ARID1B: variants seen among roughly 807,000 people sequenced by gnomAD.
ARID1B encodes AT-rich interactive domain-containing protein 1B.
Under a neutral mutation model 212.3 loss-of-function variants are expected in ARID1B, and 30 were observed. That is an observed-to-expected ratio of 0.14 (90% CI 0.11 to 0.19). The LOEUF (loss-of-function observed/expected upper bound fraction) is 0.19, where lower values mean the gene tolerates loss of function less well. Ranked by LOEUF, ARID1B falls within the 10% of genes least tolerant of loss-of-function variation. The pLI is 1.00. For missense variants in ARID1B, 2,891 were observed against 3,204.0 expected (o/e 0.90, Z 2.36); for synonymous variants, 1,402 against 1,301.7 (o/e 1.08, Z -1.66).
At chr6:156,936,978 T>C (rs1048381849) in intron 4 of ARID1B, 5 of 152,220 alleles carry the variant, frequency 3.3e-5, no homozygotes, top group African/African-American at 1.2e-4. Context: ...TCTTTGAATC[T>C]GATGGATATA....
intron 11 of ARID1B, among the ~76,000 whole-genome samples, chr6:157,180,755 G>T (rs1792454225): frequency 6.6e-6 from 1 of 152,108 alleles, no homozygotes; most frequent in South Asian, 2.1e-4. Flanking sequence ...GGGGGAGTTT[G>T]GGCCTTTTAT....
intron 2 of ARID1B, among the ~76,000 whole-genome samples, chr6:156,860,668 G>A (rs970454910): frequency 6.6e-6 from 1 of 152,174 alleles, no homozygotes; most frequent in East Asian, 1.9e-4. Flanking sequence ...TCAGTCTTCA[G>A]TTGGCAAAAT....
Position 157,148,967 on chromosome 6 carries a change from G to T in ARID1B, c.3089+16G>T, listed in dbSNP as rs762651287. Reference sequence around the variant, plus strand: ...CACAAAGCAGGTACGCCACCCAGGAGCACGCCCCGGGCAGGTACGCTGTGT... The same window carrying T: ...CACAAAGCAGGTACGCCACCCAGGATCACGCCCCGGGCAGGTACGCTGTGT... On this transcript the variant is annotated intron_variant, in intron 8 of 19. Coordinates refer to ENST00000636930, the MANE Select transcript of ARID1B (RefSeq NM_001374828.1). The surrounding 1 kb of genome is among the most constrained non-coding windows in gnomAD (Gnocchi z 5.6). The T allele has an allele frequency of 4.4e-6, 7 of 1,602,158 alleles. No individual in the cohort carries two copies. The East Asian group carries it at 1.3e-4, about 31-fold the overall frequency.
At chr6:156,991,486 C>A (rs1014833704) in intron 4 of ARID1B, among the ~76,000 whole-genome samples, 1 of 152,294 alleles carries the variant, frequency 6.6e-6, no homozygotes, top group Non-Finnish European at 1.5e-5. Context: ...CCCACCTCAG[C>A]CTCCCAAAGT....
At chr6:156,952,463 G>T (rs1793658537) in intron 4 of ARID1B, among the ~76,000 whole-genome samples, 1 of 152,210 alleles carries the variant, frequency 6.6e-6, no homozygotes. Flanking sequence ...AGGCTAGCAG[G>T]GGTGGTGGGG....
intron 2 of ARID1B, among the ~76,000 whole-genome samples, chr6:156,838,957 C>T (rs1783709698): frequency 6.6e-6 from 1 of 151,994 alleles, no homozygotes; most frequent in Admixed American, 6.6e-5. Context: ...TTCAGGCATC[C>T]CAATAGTCAT....
intron 4 of ARID1B, among the ~76,000 whole-genome samples, chr6:156,961,690 G>A (rs1038790022): frequency 6.6e-6 from 1 of 152,232 alleles, no homozygotes; most frequent in Non-Finnish European, 1.5e-5. Context: ...CCTGTTGAAT[G>A]TGAAATTGAT....
intron 1 of ARID1B, among the ~76,000 whole-genome samples, chr6:156,808,022 A>AT (rs1434938616): frequency 1.3e-5 from 2 of 152,180 alleles, no homozygotes; most frequent in Non-Finnish European, 2.9e-5. Flanking sequence ...ACATCTTACC[A>AT]TGAGTGTGCT....
intron 4 of ARID1B, among the ~76,000 whole-genome samples, chr6:156,999,388 C>G (rs1052710413): frequency 6.6e-6 from 1 of 152,230 alleles, no homozygotes. Context: ...CACAATCCCT[C>G]TGTAACAATG....
intron 4 of ARID1B, among the ~76,000 whole-genome samples, chr6:156,965,032 A>G (rs1018404926): frequency 1.3e-5 from 2 of 152,226 alleles, no homozygotes; most frequent in Admixed American, 6.5e-5. Context: ...TGAATATTTC[A>G]TAGAGTTACT....
chr6:156,876,339 T>C (rs945729939), intron 2 of ARID1B, among the ~76,000 whole-genome samples: 4 of 152,166 alleles, frequency 2.6e-5, no homozygotes, highest in African/African-American at 9.7e-5. Flanking sequence ...GGATTTTAGG[T>C]TGAGTCCTGG....
chr6:157,039,711 T>TTCCTCCC (rs1781675660), intron 4 of ARID1B, among the ~76,000 whole-genome samples: 2 of 118,498 alleles, frequency 1.7e-5, no homozygotes, highest in Admixed American at 8.8e-5. Flanking sequence ...CTTTCCTTTC[T>TTCCTCCC]TTCCTTCCTT....
chr6:156,943,936 A>T (rs1261139632), intron 4 of ARID1B: 1 of 152,222 alleles, frequency 6.6e-6, no homozygotes, highest in Non-Finnish European at 1.5e-5. Context: ...TACTGTTTTT[A>T]TAAAATAATA....
At position 157,190,150 on chromosome 6, in the gene ARID1B, G is replaced by A. The variant is rs773135175; in HGVS notation, c.4171G>A (p.Asp1391Asn). The A allele has an allele frequency of 7.4e-6, 12 of 1,614,130 alleles. No individual in the cohort carries two copies. The highest frequency in any genetic ancestry group is 1.1e-5 in the South Asian group (1 of 91,084). The change falls in exon 15 of 20, where the codon GAT becomes AAT. Residue 1391 changes from aspartate to asparagine, a missense_variant. This residue lies in a region of ARID1B where 666 missense variants were observed against 873.5 expected (regional missense o/e 0.76). Transcript: ENST00000636930. The surrounding 1 kb of genome is among the most constrained non-coding windows in gnomAD (Gnocchi z 4.6). ...APYQQGMSMP[D>N]VMGRMPYEPN... is the part of the protein sequence containing the mutation. ...CTACCAGCAGGGCATGAGCATGCCC[G>A]ATGTGATGGGCAGGATGCCCTATGA...
chr6:157,022,096 C>T (rs1035453192), intron 4 of ARID1B, among the ~76,000 whole-genome samples: 1 of 151,998 alleles, frequency 6.6e-6, no homozygotes, highest in Non-Finnish European at 1.5e-5. Flanking sequence ...AGACGAAGGA[C>T]GCCAGCAGGG....
chr6:156,778,268 C>CAGCAGCAA lies in ARID1B; in HGVS notation c.588_589insAGCAGCAA (p.Gln197SerfsTer69). 6 of 1,536,776 alleles carry CAGCAGCAA rather than the reference C, an allele frequency of 3.9e-6. No individual in the cohort carries two copies. Among genetic ancestry groups the CAGCAGCAA allele is most frequent in the Non-Finnish European group, 5.3e-6 (6 of 1,142,058 alleles). Reference sequence around the variant, plus strand: ...CACTACAGCAGCAGCTAAACCAGTTCCAGCAGCAGCAGCAGCAGCAGCAAC... The same window carrying CAGCAGCAA: ...CACTACAGCAGCAGCTAAACCAGTTCAGCAGCAACAGCAGCAGCAGCAGCAGCAGCAAC... On this transcript the variant is annotated frameshift_variant, in exon 1 of 20. Transcript: ENST00000636930. LOFTEE classifies it high-confidence loss of function.
At chr6:156,985,302 G>A (rs971841287) in intron 4 of ARID1B, 5 of 152,164 alleles carry the variant, frequency 3.3e-5, no homozygotes, top group African/African-American at 1.2e-4. Context: ...GATAATATCC[G>A]CTGCATTGAT....
chr6:156,777,854 G>A lies in ARID1B; in HGVS notation c.174G>A (p.Leu58=). 1 of 1,329,884 alleles carries A rather than the reference G, an allele frequency of 7.5e-7. No homozygotes were observed. The highest frequency in any genetic ancestry group is 9.6e-7 in the Non-Finnish European group (1 of 1,045,314). The allele number at this position is 1,329,884 out of a possible 1,614,324, so 82.4% of individuals were successfully genotyped here. Residue 58 remains leucine, a synonymous_variant, in exon 1 of 20, where the codon CTG becomes CTA. Transcript: ENST00000636930. ...CGGCGGCGGCACCGGGACCCATGCT[G>A]GGGGGCGGCGGCGACGGCGGCGGCG... The part of the protein sequence containing the change: ...AAAAAAPGPM[L]GGGGDGGGGL...
chr6:156,830,165 T>G (rs549714800), intron 2 of ARID1B, among the ~76,000 whole-genome samples: 1 of 152,112 alleles, frequency 6.6e-6, no homozygotes, highest in Admixed American at 6.5e-5. Flanking sequence ...AGGATGAAAT[T>G]TGGAAAAGAC....
Sources: allele counts gnomAD v4.1 joint callset (sites outside exome capture counted in the v4.1 genomes callset), GRCh38; gene constraint gnomAD v4.1.1; regional missense constraint gnomAD v4.1.1; non-coding constraint Gnocchi (gnomAD v3.1); transcripts MANE v1.5; gene names NCBI Gene and HGNC (gene_info 2026-07-23, HGNC 2026-07-21).